The following RMDN2 variants were observed in gnomAD, a reference collection of about 807,000 sequenced individuals.
The protein encoded by RMDN2 is regulator of microtubule dynamics protein 2.
RMDN2 carries 61 observed loss-of-function variants against 52.8 expected under a neutral mutation model. That is an observed-to-expected ratio of 1.16 (90% CI 0.94 to 1.43). RMDN2 has a LOEUF of 1.43. Among genes scored for constraint, RMDN2 ranks in the 40% most tolerant of loss-of-function variants. RMDN2 has a pLI of 0.00. For missense variants in RMDN2, 592 were observed against 475.3 expected (o/e 1.25, Z -2.28); for synonymous variants, 180 against 153.1 (o/e 1.18, Z -1.30).
upstream of RMDN2, among the ~76,000 whole-genome samples, chr2:37,921,181 A>C (rs182360622): frequency 6.6e-6 from 1 of 152,356 alleles, no homozygotes; most frequent in Admixed American, 6.5e-5. Flanking sequence ...TCAGTATAGG[A>C]GTATTAGGCC....
chr2:38,057,155 T>C (rs1282403684), intron 10 of RMDN2, among the ~76,000 whole-genome samples: 1 of 152,164 alleles, frequency 6.6e-6, no homozygotes, highest in Non-Finnish European at 1.5e-5. Context: ...CTATTACTAG[T>C]TGGTGCTGTG....
intron 10 of RMDN2, among the ~76,000 whole-genome samples, chr2:38,011,387 A>C (rs896570067): frequency 6.6e-6 from 1 of 152,196 alleles, no homozygotes; most frequent in Non-Finnish European, 1.5e-5. Flanking sequence ...TTGTGGGAAC[A>C]ACAACAAAAA....
intron 10 of RMDN2, among the ~76,000 whole-genome samples, chr2:38,009,824 T>C (rs1432912164): frequency 6.6e-6 from 1 of 152,202 alleles, no homozygotes; most frequent in Non-Finnish European, 1.5e-5. Context: ...CTCTGTTTTT[T>C]CCCCATCTTT....
intron 10 of RMDN2, among the ~76,000 whole-genome samples, chr2:38,008,089 G>T (rs1051291671): frequency 6.6e-6 from 1 of 152,110 alleles, no homozygotes; most frequent in Non-Finnish European, 1.5e-5. Flanking sequence ...TATAATTTCT[G>T]TTCTTTTACA....
chr2:38,025,472 T>G (rs916942843), intron 10 of RMDN2, among the ~76,000 whole-genome samples: 1 of 152,080 alleles, frequency 6.6e-6, no homozygotes, highest in Non-Finnish European at 1.5e-5. Context: ...TTTTGTTTTG[T>G]TTTTGCCTTA....
chr2:37,963,421 A>C (rs925856377), intron 2 of RMDN2, among the ~76,000 whole-genome samples: 1 of 151,542 alleles, frequency 6.6e-6, no homozygotes, highest in African/African-American at 2.4e-5. Flanking sequence ...CAGATAAACA[A>C]GTGAACAAAG....
At chr2:38,002,067 T>C (rs531331239) in intron 8 of RMDN2, among the ~76,000 whole-genome samples, 4 of 152,212 alleles carry the variant, frequency 2.6e-5, no homozygotes, top group Non-Finnish European at 5.9e-5. Flanking sequence ...CCTACCCTAG[T>C]AGGAGATTTT....
intron 10 of RMDN2, among the ~76,000 whole-genome samples, chr2:38,041,208 A>T (rs1680926961): frequency 6.6e-6 from 1 of 152,146 alleles, no homozygotes; most frequent in South Asian, 2.1e-4. Context: ...GAGACAATCA[A>T]CACTAAGGCA....
chr2:38,003,070 AC>A (rs1676527621), intron 8 of RMDN2: 1 of 152,220 alleles, frequency 6.6e-6, no homozygotes, highest in Non-Finnish European at 1.5e-5. Flanking sequence ...CCTTTATAAT[AC>A]CTACTCATGT....
At chr2:38,062,775 C>CG (rs1370658625) in intron 10 of RMDN2, among the ~76,000 whole-genome samples, 6 of 120,276 alleles carry the variant, frequency 5.0e-5, no homozygotes, top group Admixed American at 1.7e-4. Flanking sequence ...CCCTTCCCCC[C>CG]CCCCACAACA....
chr2:37,974,452 G>C (rs1396321908), intron 3 of RMDN2, among the ~76,000 whole-genome samples: 1 of 147,466 alleles, frequency 6.8e-6, no homozygotes, highest in Non-Finnish European at 1.5e-5. Context: ...ATGAGAACCA[G>C]AGCTATAATT....
chr2:37,950,479 A>G (rs764512182), intron 2 of RMDN2: 3 of 1,612,086 alleles, frequency 1.9e-6, no homozygotes, highest in Middle Eastern at 1.7e-4. Context: ...CAGCTTGAGC[A>G]TTCAGTCTTC....
chr2:37,981,600 T>TA (rs1673326854), intron 5 of RMDN2, among the ~76,000 whole-genome samples: 1 of 152,246 alleles, frequency 6.6e-6, no homozygotes, highest in Non-Finnish European at 1.5e-5. Flanking sequence ...TTGAAGATGA[T>TA]ACGTTATAAT....
At chr2:38,050,727 GGTT>G (rs1025319728) in intron 10 of RMDN2, among the ~76,000 whole-genome samples, 4 of 152,094 alleles carry the variant, frequency 2.6e-5, no homozygotes, top group African/African-American at 7.2e-5. Flanking sequence ...ATTACATGGT[GGTT>G]GTTTTTTGTT....
chr2:38,004,251 T>A (rs1454721152), intron 10 of RMDN2, 35 bp downstream of exon 10: 2 of 1,417,926 alleles, frequency 1.4e-6, no homozygotes, highest in Non-Finnish European at 2.0e-6. Flanking sequence ...TGCTGTTGTC[T>A]TGTTAGTACT....
At chr2:37,976,454 G>C (rs1672476977) in intron 4 of RMDN2, 1 of 152,206 alleles carries the variant, frequency 6.6e-6, no homozygotes, top group Non-Finnish European at 1.5e-5. Flanking sequence ...GACACAGCAA[G>C]AAAGATTTCT....
intron 10 of RMDN2, among the ~76,000 whole-genome samples, chr2:38,061,975 C>A (rs968220330): frequency 2.0e-5 from 3 of 152,212 alleles, no homozygotes; most frequent in Admixed American, 1.3e-4. Flanking sequence ...GTTCACATCT[C>A]TAGGCCTGAC....
intron 10 of RMDN2, among the ~76,000 whole-genome samples, chr2:38,005,881 A>C (rs1573047715): frequency 6.6e-6 from 1 of 152,288 alleles, no homozygotes; most frequent in African/African-American, 2.4e-5. Flanking sequence ...ATTTTTGTAT[A>C]AGGTGTAAGG....
chr2:37,958,346 G>A (rs1669759389), intron 2 of RMDN2, among the ~76,000 whole-genome samples: 1 of 143,974 alleles, frequency 6.9e-6, no homozygotes, highest in African/African-American at 3.0e-5. Flanking sequence ...AGTTCTTCTT[G>A]AAGAAGTCCT....
Sources: allele counts gnomAD v4.1 joint callset (sites outside exome capture counted in the v4.1 genomes callset), GRCh38; gene constraint gnomAD v4.1.1; transcripts MANE v1.5; gene names NCBI Gene and HGNC (gene_info 2026-07-23, HGNC 2026-07-21).